EGFLAM: variants seen among roughly 807,000 people sequenced by gnomAD.
The protein encoded by EGFLAM is pikachurin.
In EGFLAM, 79 loss-of-function variants were observed where a neutral mutation model predicts 113.1. That is an observed-to-expected ratio of 0.70 (90% CI 0.58 to 0.84). The LOEUF (loss-of-function observed/expected upper bound fraction) is 0.84. Ranked by LOEUF, EGFLAM falls within the 40% of genes least tolerant of loss-of-function variation. EGFLAM has a pLI of 0.00. For synonymous variants in EGFLAM, 504 were observed against 487.6 expected (o/e 1.03, Z -0.44); for missense variants, 1,265 against 1,291.6 (o/e 0.98, Z 0.32).
rs201343872 is a variant in EGFLAM, at chr5:38,258,715, G to T, written c.-40G>T. ...CCCCGGAGACGCCCTTTCCGTGTGC[G>T]CCCGGGACTTGGTGAAACTTTGCAG... On this transcript the variant is annotated 5_prime_UTR_variant, in exon 1 of 22. Coordinates refer to ENST00000322350, the MANE Select transcript of EGFLAM (RefSeq NM_152403.4). 7.6e-6 allele frequency: 12 copies of T among 1,577,836 alleles called. No individual in the cohort carries two copies. The African/African-American group carries it at 8.1e-5, about 11-fold the overall frequency.
chr5:38,448,286 T>C lies in EGFLAM; in HGVS notation c.2465-15T>C. ...ACCACATACTATGTAACCTCCTTTTTCTGTTCTGTCCCAGCGATCATAGAA... is the reference window on the plus strand; with the variant it reads ...ACCACATACTATGTAACCTCCTTTTCCTGTTCTGTCCCAGCGATCATAGAA... On this transcript the variant is annotated splice_polypyrimidine_tract_variant and intron_variant, in intron 17 of 21. Coordinates refer to ENST00000322350, the MANE Select transcript of EGFLAM (RefSeq NM_152403.4). 1 of 1,614,058 alleles carries C rather than the reference T, an allele frequency of 6.2e-7. No individual in the cohort carries two copies. The highest frequency in any genetic ancestry group is 8.5e-7 in the Non-Finnish European group (1 of 1,180,006).
chr5:38,411,065 G>A (rs982882633), intron 10 of EGFLAM, among the ~76,000 whole-genome samples: 14 of 151,742 alleles, frequency 9.2e-5, no homozygotes, highest in Admixed American at 9.2e-4. Flanking sequence ...TTTTCTTATG[G>A]GTCCTGTCCT....
intron 1 of EGFLAM, among the ~76,000 whole-genome samples, chr5:38,302,623 A>G (rs1435891427): frequency 6.6e-6 from 1 of 151,976 alleles, no homozygotes; most frequent in Non-Finnish European, 1.5e-5. Context: ...TTTTCCCCCA[A>G]CAGTTCAGAA....
intron 16 of EGFLAM, among the ~76,000 whole-genome samples, chr5:38,435,599 T>C (rs977092786): frequency 6.6e-6 from 1 of 152,216 alleles, no homozygotes; most frequent in East Asian, 1.9e-4. Flanking sequence ...CGGAGGTGAA[T>C]AGCAACCTTG....
In EGFLAM at chr5:38,407,151, G is replaced by A. The variant is rs1741316284; in HGVS notation, c.1147+5G>A. 27 of 1,587,476 alleles carry A rather than the reference G, an allele frequency of 1.7e-5. No individual in the cohort carries two copies. The East Asian group carries it at 5.4e-4, about 32-fold the overall frequency. On this transcript the variant is annotated splice_donor_5th_base_variant and intron_variant, in intron 8 of 21. Coordinates refer to ENST00000322350, the MANE Select transcript of EGFLAM (RefSeq NM_152403.4). ...GTGGTGAGAGCTGCTCAGAAGGTAG[G>A]CCCTTGGGGGAGAGGAAGAAGTGGT...
intron 13 of EGFLAM, 126 bp downstream of exon 13, chr5:38,425,218 A>T: frequency 7.1e-7 from 1 of 1,409,548 alleles, no homozygotes; most frequent in Middle Eastern, 2.0e-4. Flanking sequence ...TCCCTCTCTT[A>T]CCCAGGCCGG....
At chr5:38,344,050 A>G (rs941471125) in intron 3 of EGFLAM, among the ~76,000 whole-genome samples, 1 of 152,208 alleles carries the variant, frequency 6.6e-6, no homozygotes, top group Non-Finnish European at 1.5e-5. Flanking sequence ...TCTGAAGCCA[A>G]ATGATCTGTA....
At position 38,409,035 on chromosome 5, in the gene EGFLAM, G is replaced by C; in HGVS notation, c.1280G>C (p.Cys427Ser). ...AEAEDGLLLY[C>S]GENEHGRGDF... is the part of the protein sequence containing the mutation. ...GCAGAGGATGGCTTACTGCTCTACTGTGGGGAGAACGAACACGGGAGGGGG... is the reference window on the plus strand; with the variant it reads ...GCAGAGGATGGCTTACTGCTCTACTCTGGGGAGAACGAACACGGGAGGGGG... The change falls in exon 10 of 22, where the codon TGT (cysteine) becomes TCT (serine). Residue 427 changes from cysteine (C) to serine (S), a missense_variant. Cys to Ser is a moderately radical substitution (Grantham distance 112). Transcript: ENST00000322350. 1 of 1,595,226 alleles carries C rather than the reference G, an allele frequency of 6.3e-7. No homozygotes were observed. Among genetic ancestry groups the C allele is most frequent in the Non-Finnish European group, 8.5e-7 (1 of 1,169,768 alleles).
chr5:38,329,117 T>C (rs1215864860), intron 1 of EGFLAM, among the ~76,000 whole-genome samples: 1 of 151,782 alleles, frequency 6.6e-6, no homozygotes, highest in Non-Finnish European at 1.5e-5. Flanking sequence ...AGACCCTGTT[T>C]CTACAATAAT....
At chr5:38,278,889 A>C (rs1433115312) in intron 1 of EGFLAM, among the ~76,000 whole-genome samples, 1 of 152,160 alleles carries the variant, frequency 6.6e-6, no homozygotes, top group African/African-American at 2.4e-5. Flanking sequence ...AAGTTTCTGC[A>C]CATCAAAGGG....
intron 1 of EGFLAM, among the ~76,000 whole-genome samples, chr5:38,307,959 C>G (rs1029169626): frequency 3.3e-5 from 5 of 152,188 alleles, no homozygotes; most frequent in African/African-American, 1.2e-4. Flanking sequence ...TGCTCTGACT[C>G]TTGGGTCTCA....
intron 6 of EGFLAM, among the ~76,000 whole-genome samples, chr5:38,393,001 G>T (rs1740856518): frequency 6.6e-6 from 1 of 152,070 alleles, no homozygotes; most frequent in Admixed American, 6.5e-5. Context: ...GCCTCCCAAT[G>T]TGCTGGGATT....
In EGFLAM at chr5:38,350,549, A is replaced by G. The variant is rs1579806599; in HGVS notation, c.340A>G (p.Ile114Val). ...LKPGTEYRVS[I>V]AAYSQAGKGR... ...ACCAGGCACTGAATATCGTGTGAGC[A>G]TAGCAGCTTACAGCCAGGCTGGCAA... Residue 114 changes from isoleucine to valine, a missense_variant, in exon 4 of 22, where the codon ATA (isoleucine) becomes GTA (valine). By Grantham distance (29) the Ile-to-Val change is conservative (BLOSUM62 3). Transcript: ENST00000322350. The G allele has an allele frequency of 5.0e-6, 8 of 1,614,112 alleles. No individual in the cohort carries two copies. The highest frequency in any genetic ancestry group is 6.8e-6 in the Non-Finnish European group (8 of 1,179,964).
chr5:38,413,066 G>A (rs1488465332), intron 11 of EGFLAM, among the ~76,000 whole-genome samples: 1 of 152,030 alleles, frequency 6.6e-6, no homozygotes, highest in Non-Finnish European at 1.5e-5. Flanking sequence ...CTGTCCCCCA[G>A]GCTGGAGTAC....
rs577485773 is a variant in EGFLAM, at chr5:38,322,220, C to G, written c.98-15300C>G. Among the ~76,000 whole-genome samples the G allele has an allele frequency of 1.0e-3, 154 of 152,304 alleles. 3 individuals carry two copies. Among genetic ancestry groups the G allele is most frequent in the African/African-American group, 3.6e-3 (149 of 41,570 alleles). ...CGTTGGCCACCCTTTTGCCTGAGGG[C>G]CCACATGGCTAGCAGCACAGTTCAC... On this transcript the variant is annotated intron_variant, in intron 1 of 21. Transcript: ENST00000322350.
chr5:38,352,175 T>G, intron 4 of EGFLAM, 21 bp from the exon 5 acceptor site: 1 of 1,613,832 alleles, frequency 6.2e-7, no homozygotes, highest in East Asian at 2.2e-5. Flanking sequence ...CTAGTCTAGT[T>G]GTGTTTGTCA....
At chr5:38,297,880 T>C (rs1222155089) in intron 1 of EGFLAM, among the ~76,000 whole-genome samples, 1 of 152,216 alleles carries the variant, frequency 6.6e-6, no homozygotes, top group Non-Finnish European at 1.5e-5. Context: ...TAAATCATTT[T>C]GTAAAGAGAA....
intron 17 of EGFLAM, among the ~76,000 whole-genome samples, chr5:38,440,264 G>C (rs887956360): frequency 1.3e-5 from 2 of 152,206 alleles, no homozygotes; most frequent in African/African-American, 4.8e-5. Flanking sequence ...ATTAGTATCA[G>C]ATTGTGTTTT....
At position 38,464,528 on chromosome 5, in the gene EGFLAM, A is replaced by G. The variant is rs1743405279; in HGVS notation, c.*542A>G. On this transcript the variant is annotated 3_prime_UTR_variant, in exon 22 of 22. Coordinates refer to ENST00000322350, the MANE Select transcript of EGFLAM (RefSeq NM_152403.4). The stretch of plus-strand genomic sequence containing the variant: ...ACTGTGTTCTGACTAGTCCATAAAA[A>G]TAAAGATGGAAGGAGATCAAACACA... The G allele has an allele frequency of 6.6e-6, 1 of 152,606 alleles. No homozygotes were observed. The highest frequency in any genetic ancestry group is 2.4e-5 in the African/African-American group (1 of 41,432). The allele number at this position is 152,606 out of a possible 1,614,324, so 9.5% of individuals were successfully genotyped here.
Sources: allele counts gnomAD v4.1 joint callset (sites outside exome capture counted in the v4.1 genomes callset), GRCh38; gene constraint gnomAD v4.1.1; transcripts MANE v1.5; gene names NCBI Gene and HGNC (gene_info 2026-07-23, HGNC 2026-07-21).